Variants in SPATA6 observed in about 807,000 individuals in gnomAD.
The protein encoded by SPATA6 is spermatogenesis associated 6.
Under a neutral mutation model 65.3 loss-of-function variants are expected in SPATA6, and 56 were observed. That is an observed-to-expected ratio of 0.86 (90% CI 0.69 to 1.07). The LOEUF (loss-of-function observed/expected upper bound fraction) is 1.07. Ranked by LOEUF, SPATA6 falls within the 50% of genes least tolerant of loss-of-function variation. The pLI, the probability that SPATA6 is intolerant of heterozygous loss-of-function variation, is 0.00. For synonymous variants in SPATA6, 199 were observed against 213.2 expected (o/e 0.93, Z 0.58); for missense variants, 590 against 594.8 (o/e 0.99, Z 0.08).
At chr1:48,367,361 C>G (rs1647056507) in intron 9 of SPATA6, among the ~76,000 whole-genome samples, 3 of 152,228 alleles carry the variant, frequency 2.0e-5, no homozygotes. Flanking sequence ...TGTTAACTTT[C>G]TGTCTCGTTA....
chr1:48,369,658 G>GCCCA (rs1647169215), intron 9 of SPATA6, among the ~76,000 whole-genome samples: 1 of 152,198 alleles, frequency 6.6e-6, no homozygotes, highest in Non-Finnish European at 1.5e-5. Flanking sequence ...GGAGTGATTG[G>GCCCA]ATTTTCCAGG....
chr1:48,316,473 T>A (rs939244185), intron 11 of SPATA6, among the ~76,000 whole-genome samples: 18 of 152,316 alleles, frequency 1.2e-4, no homozygotes, highest in African/African-American at 4.3e-4. Flanking sequence ...GAAAACTGGC[T>A]AGCCATATTT....
At chr1:48,470,891 C>T (rs1395265658) in intron 1 of SPATA6, among the ~76,000 whole-genome samples, 4 of 152,086 alleles carry the variant, frequency 2.6e-5, no homozygotes, top group African/African-American at 4.8e-5. Flanking sequence ...CATAAGAAGA[C>T]TTACTGAGTA....
chr1:48,399,384 T>G lies in SPATA6; in HGVS notation c.747A>C (p.Lys249Asn). The stretch of plus-strand genomic sequence containing the variant: ...TCACAAATGGAGGTTTATCTGTTTC[T>G]TTTTTGAACTCATAGGGTCCCAGAT... ...HLNLGPYEFKKETDKPPFVIR... is the reference protein window; with the variant it reads ...HLNLGPYEFKNETDKPPFVIR... Residue 249 changes from lysine (K) to asparagine (N), a missense_variant, in exon 7 of 13, where the codon AAA becomes AAC. Physicochemically the swap from Lys to Asn is moderately conservative, Grantham distance 94. Transcript: ENST00000371847. 6.2e-7 allele frequency: 1 copy of G among 1,612,892 alleles called. No individual in the cohort carries two copies. Among genetic ancestry groups the G allele is most frequent in the African/African-American group, 1.3e-5 (1 of 74,944 alleles).
At chr1:48,326,921 A>C (rs1645779149) in intron 11 of SPATA6, among the ~76,000 whole-genome samples, 2 of 152,074 alleles carry the variant, frequency 1.3e-5, no homozygotes, top group South Asian at 4.1e-4. Flanking sequence ...CTAGGGAAAA[A>C]CTCTACTGAA....
chr1:48,285,599 G>C, the SPATA6 span, among the ~76,000 whole-genome samples: 1 of 152,100 alleles, frequency 6.6e-6, no homozygotes, highest in East Asian at 1.9e-4. Context: ...TGTGGTATGT[G>C]AGTTGCGAAG....
chr1:48,371,820 T>C (rs564563745), intron 9 of SPATA6, among the ~76,000 whole-genome samples: 1 of 151,976 alleles, frequency 6.6e-6, no homozygotes, highest in Non-Finnish European at 1.5e-5. Flanking sequence ...TGGCTGAGGG[T>C]GAAAGGCACT....
chr1:48,367,188 C>T (rs1180624861), intron 9 of SPATA6, among the ~76,000 whole-genome samples: 1 of 152,132 alleles, frequency 6.6e-6, no homozygotes, highest in African/African-American at 2.4e-5. Flanking sequence ...TGTTCTTTTA[C>T]ATTTGCTGAG....
intron 7 of SPATA6, among the ~76,000 whole-genome samples, chr1:48,396,972 C>T (rs1196680383): frequency 6.6e-6 from 1 of 151,204 alleles, no homozygotes. Flanking sequence ...TAAAAGACAG[C>T]CCACACAATG....
intron 5 of SPATA6, among the ~76,000 whole-genome samples, chr1:48,411,252 A>C (rs1204857122): frequency 6.6e-6 from 1 of 152,222 alleles, no homozygotes. Context: ...TTACTGTATT[A>C]GTCTGTTTTT....
chr1:48,322,954 C>A (rs1487594472), intron 11 of SPATA6, among the ~76,000 whole-genome samples: 1 of 152,124 alleles, frequency 6.6e-6, no homozygotes, highest in Non-Finnish European at 1.5e-5. Flanking sequence ...GAAATAGGAA[C>A]CCTTTTACAC....
chr1:48,398,649 A>C (rs1054912001), intron 7 of SPATA6, among the ~76,000 whole-genome samples: 4 of 151,844 alleles, frequency 2.6e-5, no homozygotes, highest in Non-Finnish European at 2.9e-5. Context: ...CTTTTAAGGT[A>C]AAAATACTTC....
chr1:48,314,284 G>C (rs543559778), intron 11 of SPATA6, among the ~76,000 whole-genome samples: 100 of 152,194 alleles, frequency 6.6e-4, no homozygotes, highest in Admixed American at 2.0e-3. Context: ...TGACCACATA[G>C]TTGGAAGTAA....
In SPATA6 at chr1:48,461,372, G is replaced by A. The variant is rs1444067070; in HGVS notation, c.52-8241C>T. 3.3e-5 allele frequency among the ~76,000 whole-genome samples: 5 copies of A among 152,120 alleles called. No homozygotes were observed. In the South Asian group the frequency reaches 6.2e-4, roughly 19 times the overall value. ...ATCCCATTTGTCAATTTTGGCTTTT[G>A]TTGCCATTGCTTTTGGTGTTTTAGA... On this transcript the variant is annotated intron_variant, in intron 1 of 12. Coordinates refer to ENST00000371847, the MANE Select transcript of SPATA6 (RefSeq NM_019073.4).
chr1:48,367,204 C>T (rs189010291), intron 9 of SPATA6, among the ~76,000 whole-genome samples: 158 of 152,220 alleles, frequency 1.0e-3, no homozygotes, highest in African/African-American at 3.7e-3. Flanking sequence ...CTGAGGAGTG[C>T]TTTACTTCCA....
At chr1:48,349,423 AAAC>A in intron 11 of SPATA6, among the ~76,000 whole-genome samples, 1 of 152,138 alleles carries the variant, frequency 6.6e-6, no homozygotes, top group South Asian at 2.1e-4. Flanking sequence ...CAGTTAATTT[AAAC>A]ATGTCTTACA....
chr1:48,312,066 G>C (rs1645231209), intron 11 of SPATA6, among the ~76,000 whole-genome samples: 1 of 152,192 alleles, frequency 6.6e-6, no homozygotes, highest in African/African-American at 2.4e-5. Context: ...AAAGCGGCCA[G>C]GAAGCTCAAA....
chr1:48,351,387 G>A (rs1646510463), intron 11 of SPATA6, among the ~76,000 whole-genome samples: 1 of 151,872 alleles, frequency 6.6e-6, no homozygotes, highest in African/African-American at 2.4e-5. Flanking sequence ...ACAATGCTTT[G>A]TTTCCGAACT....
At chr1:48,405,739 T>A (rs1270763855) in intron 5 of SPATA6, among the ~76,000 whole-genome samples, 1 of 152,078 alleles carries the variant, frequency 6.6e-6, no homozygotes, top group African/African-American at 2.4e-5. Context: ...TTCATCAGAC[T>A]CACTAAGTAT....
Sources: gnomAD v4.1 joint callset for allele counts (sites outside exome capture counted in the v4.1 genomes callset) on GRCh38, gnomAD v4.1.1 for gene constraint, MANE v1.5 for transcripts, NCBI Gene and HGNC (gene_info 2026-07-23, HGNC 2026-07-21) for gene names.